The following LPP variants were observed in gnomAD, a reference collection of about 807,000 sequenced individuals.
The protein encoded by LPP is LIM domain containing preferred translocation partner in lipoma.
LPP carries 38 observed loss-of-function variants against 60.4 expected under a neutral mutation model. That is an observed-to-expected ratio of 0.63 (90% CI 0.49 to 0.83). The LOEUF (loss-of-function observed/expected upper bound fraction) is 0.83, where lower values mean the gene tolerates loss of function less well. LPP is among the 40% of genes least tolerant of loss of function. The pLI, the probability that LPP is intolerant of heterozygous loss-of-function variation, is 0.00. For missense variants in LPP, 902 were observed against 783.6 expected, an observed-to-expected ratio of 1.15 and a Z score of -1.80; for synonymous variants, 328 against 290.8, an observed-to-expected ratio of 1.13 and a Z score of -1.30.
intron 9 of LPP, among the ~76,000 whole-genome samples, chr3:188,824,103 A>G (rs759812468): frequency 5.3e-5 from 8 of 152,198 alleles, no homozygotes; most frequent in Non-Finnish European, 1.0e-4. Flanking sequence ...GTTATATTGT[A>G]ATTCTGGCTC....
rs191439221 is a variant in LPP, at chr3:188,206,082, C to T, written c.-189-19323C>T. On this transcript the variant is annotated intron_variant, in intron 1 of 11. Coordinates refer to ENST00000617246, the MANE Select transcript of LPP (RefSeq NM_001375462.1). Reference sequence around the variant, plus strand: ...GCTTAGCACGAGTCACGAGATGTGACGGGTCTGAGACCTCTCAGCCTAGAG... The same window carrying T: ...GCTTAGCACGAGTCACGAGATGTGATGGGTCTGAGACCTCTCAGCCTAGAG... 4.6e-3 allele frequency among the ~76,000 whole-genome samples: 703 copies of T among 152,306 alleles called. 1 individual carries two copies. Among genetic ancestry groups the T allele is most frequent in the South Asian group, 0.014 (69 of 4,824 alleles).
intron 7 of LPP, among the ~76,000 whole-genome samples, chr3:188,707,420 G>A (rs922541774): frequency 1.3e-5 from 2 of 152,074 alleles, no homozygotes; most frequent in African/African-American, 2.4e-5. Flanking sequence ...ACCTGGCCGC[G>A]CCAAAGCCCC....
intron 7 of LPP, among the ~76,000 whole-genome samples, chr3:188,643,304 G>T (rs1850519746): frequency 6.6e-6 from 1 of 152,140 alleles, no homozygotes; most frequent in Non-Finnish European, 1.5e-5. Context: ...ATTTATAGAC[G>T]AGTAAAATGT....
chr3:188,164,121 A>G (rs1370282011), intron 1 of LPP, among the ~76,000 whole-genome samples: 1 of 152,208 alleles, frequency 6.6e-6, no homozygotes, highest in Non-Finnish European at 1.5e-5. Flanking sequence ...GCGCATGTGA[A>G]GGACTGATGG....
chr3:188,788,652 TCTGGGG>T (rs1213960803), intron 9 of LPP, among the ~76,000 whole-genome samples: 1 of 152,194 alleles, frequency 6.6e-6, no homozygotes, highest in Non-Finnish European at 1.5e-5. Context: ...GTTTCTTGAC[TCTGGGG>T]CTGTACTGAG....
At chr3:188,825,760 GT>G (rs1375677908) in intron 9 of LPP, among the ~76,000 whole-genome samples, 1 of 151,938 alleles carries the variant, frequency 6.6e-6, no homozygotes, top group East Asian at 1.9e-4. Context: ...TTGTTCGTTT[GT>G]TTTTGTTTTT....
chr3:188,856,501 T>A (rs1763868967), intron 9 of LPP, among the ~76,000 whole-genome samples: 1 of 152,216 alleles, frequency 6.6e-6, no homozygotes, highest in Admixed American at 6.5e-5. Flanking sequence ...ACAGTAATTC[T>A]CTCCAGCGAA....
chr3:188,660,047 A>G (rs1469903398), intron 7 of LPP, among the ~76,000 whole-genome samples: 1 of 152,160 alleles, frequency 6.6e-6, no homozygotes, highest in Non-Finnish European at 1.5e-5. Context: ...AATGGCACAG[A>G]GCACAGCTCA....
chr3:188,156,217 A>G (rs933146806), intron 1 of LPP, among the ~76,000 whole-genome samples: 45 of 152,048 alleles, frequency 3.0e-4, no homozygotes, highest in African/African-American at 1.1e-3. Flanking sequence ...GGCTCTCTGT[A>G]AGCAGCATGG....
intron 7 of LPP, among the ~76,000 whole-genome samples, chr3:188,613,306 ATATC>A (rs1311018496): frequency 1.0e-4 from 15 of 147,746 alleles, no homozygotes; most frequent in African/African-American, 3.9e-4. Context: ...ATCTATATCT[ATATC>A]TATATATATC....
At chr3:188,371,626 TA>T (rs1393411165) in intron 3 of LPP, among the ~76,000 whole-genome samples, 1 of 26,570 alleles carries the variant, frequency 3.8e-5, no homozygotes, top group African/African-American at 8.2e-5. Flanking sequence ...AATATATATA[TA>T]TATATATATA....
At position 188,591,846 on chromosome 3, in the gene LPP, A is replaced by G. The variant is rs145475741; in HGVS notation, c.430-17315A>G. 1.6e-4 allele frequency among the ~76,000 whole-genome samples: 25 copies of G among 152,342 alleles called. 1 individual carries two copies. In the East Asian group the frequency reaches 4.4e-3, roughly 27 times the overall value. On this transcript the variant is annotated intron_variant, in intron 6 of 11. Transcript: ENST00000617246. ...CTCTAATATCAATTGTCTTGAGACA[A>G]CAAGGCTTTTTGAATTCAATATCAG...
Position 188,874,530 on chromosome 3 carries a change from A to G in LPP, c.*51A>G, listed in dbSNP as rs1578104545. On this transcript the variant is annotated 3_prime_UTR_variant, in exon 12 of 12. Coordinates refer to ENST00000617246, the MANE Select transcript of LPP (RefSeq NM_001375462.1). ...TGAGAAGAACGAACACAAGAAAAAGATAAGAAATACTAGAGTAAAGGCCAT... is the reference window on the plus strand; with the variant it reads ...TGAGAAGAACGAACACAAGAAAAAGGTAAGAAATACTAGAGTAAAGGCCAT... 1 of 1,594,360 alleles carries G rather than the reference A, an allele frequency of 6.3e-7. No homozygotes were observed. Among genetic ancestry groups the G allele is most frequent in the Non-Finnish European group, 8.6e-7 (1 of 1,165,538 alleles).
intron 2 of LPP, among the ~76,000 whole-genome samples, chr3:188,229,011 G>A (rs181724666): frequency 7.2e-5 from 11 of 152,328 alleles, no homozygotes; most frequent in African/African-American, 1.4e-4. Context: ...CATGCTCAGC[G>A]TATGCCCTTC....
intron 6 of LPP, among the ~76,000 whole-genome samples, chr3:188,535,621 A>AT (rs1297118476): frequency 1.3e-5 from 2 of 152,116 alleles, no homozygotes; most frequent in African/African-American, 4.8e-5. Context: ...CGAAGTGAAT[A>AT]TTTTTTTATA....
intron 7 of LPP, among the ~76,000 whole-genome samples, chr3:188,626,416 G>A (rs974474255): frequency 8.5e-5 from 13 of 152,146 alleles, no homozygotes; most frequent in African/African-American, 2.9e-4. Flanking sequence ...CATCCATAGA[G>A]TTTGGCATCT....
intron 2 of LPP, among the ~76,000 whole-genome samples, chr3:188,334,933 T>C (rs544552869): frequency 6.6e-6 from 1 of 152,346 alleles, no homozygotes; most frequent in South Asian, 2.1e-4. Flanking sequence ...TATATGGATG[T>C]CCAGTTTTCC....
At chr3:188,651,624 G>A (rs1307348875) in intron 7 of LPP, among the ~76,000 whole-genome samples, 1 of 152,178 alleles carries the variant, frequency 6.6e-6, no homozygotes, top group East Asian at 1.9e-4. Context: ...CACAGTCATG[G>A]CAGAAGGTGA....
intron 6 of LPP, among the ~76,000 whole-genome samples, chr3:188,592,546 G>GTTTCGTTTTTTTTTTT (rs1560607242): frequency 2.0e-5 from 2 of 98,376 alleles, no homozygotes; most frequent in East Asian, 6.1e-4. Context: ...ACTGTTTTTA[G>GTTTCGTTTTTTTTTTT]TTTTGTTTTT....
Sources: gnomAD v4.1 joint callset for allele counts (sites outside exome capture counted in the v4.1 genomes callset) on GRCh38, gnomAD v4.1.1 for gene constraint, MANE v1.5 for transcripts, NCBI Gene and HGNC (gene_info 2026-07-23, HGNC 2026-07-21) for gene names.